SLC12A8: variants seen among roughly 807,000 people sequenced by gnomAD.
SLC12A8 encodes the protein solute carrier family 12 member 8, also known as cation-chloride cotransporter 9.
Under a neutral mutation model 75.6 loss-of-function variants are expected in SLC12A8, and 69 were observed. The ratio of observed to expected loss-of-function variants is 0.91; its 90% CI spans 0.75 to 1.11. The LOEUF (loss-of-function observed/expected upper bound fraction) is 1.11. Among genes scored for constraint, SLC12A8 ranks in the 50% most tolerant of loss-of-function variants. The pLI, the probability that SLC12A8 is intolerant of heterozygous loss-of-function variation, is 0.00. For synonymous variants in SLC12A8, 365 were observed against 372.8 expected (o/e 0.98, Z 0.24); for missense variants, 877 against 896.7 (o/e 0.98, Z 0.28).
intron 2 of SLC12A8, among the ~76,000 whole-genome samples, chr3:125,210,936 T>G (rs1935325772): frequency 6.6e-6 from 1 of 150,596 alleles, no homozygotes; most frequent in South Asian, 2.1e-4. Context: ...AACATAAGAG[T>G]TTTTTCAGAA....
intron 3 of SLC12A8, among the ~76,000 whole-genome samples, chr3:125,189,854 A>AG (rs1934873086): frequency 6.6e-6 from 1 of 152,110 alleles, no homozygotes; most frequent in Admixed American, 6.5e-5. Context: ...TTCCTTCTAC[A>AG]GGGGGAGATG....
intron 5 of SLC12A8, among the ~76,000 whole-genome samples, chr3:125,140,703 T>C: frequency 6.6e-6 from 1 of 152,140 alleles, no homozygotes. Context: ...TTTCCTTTTT[T>C]TTTTTCTTTT....
intron 5 of SLC12A8, among the ~76,000 whole-genome samples, chr3:125,150,153 C>A (rs780698956): frequency 3.9e-5 from 6 of 152,066 alleles, no homozygotes; most frequent in Admixed American, 6.5e-5. Context: ...ATTGGGAGAC[C>A]CATAATGGCC....
At chr3:125,126,511 C>T (rs1933212760) in intron 6 of SLC12A8, among the ~76,000 whole-genome samples, 1 of 152,290 alleles carries the variant, frequency 6.6e-6, no homozygotes, top group South Asian at 2.1e-4. Flanking sequence ...CTTCCCTGCC[C>T]CCTGAATCAC....
intron 12 of SLC12A8, among the ~76,000 whole-genome samples, chr3:125,090,533 G>A (rs568184125): frequency 1.5e-4 from 23 of 152,192 alleles, no homozygotes; most frequent in African/African-American, 5.1e-4. Context: ...TCTGACTATG[G>A]TTGTGAACTT....
chr3:125,120,083 G>A (rs12490367), intron 7 of SLC12A8, among the ~76,000 whole-genome samples: 1 of 152,042 alleles, frequency 6.6e-6, no homozygotes, highest in Non-Finnish European at 1.5e-5. Flanking sequence ...TTCTCTCCCC[G>A]CCGCAATCTA....
At chr3:125,096,736 G>T (rs1378748622) in intron 10 of SLC12A8, among the ~76,000 whole-genome samples, 4 of 152,184 alleles carry the variant, frequency 2.6e-5, no homozygotes, top group Non-Finnish European at 5.9e-5. Context: ...CTGCAAGATT[G>T]ATCTGAATGG....
chr3:125,165,166 G>A (rs545878679), intron 5 of SLC12A8, among the ~76,000 whole-genome samples: 1 of 152,294 alleles, frequency 6.6e-6, no homozygotes, highest in East Asian at 1.9e-4. Context: ...AGTGCGGAAG[G>A]CCATGCTGTG....
intron 5 of SLC12A8, among the ~76,000 whole-genome samples, chr3:125,140,265 A>C (rs528448315): frequency 6.6e-6 from 1 of 152,340 alleles, no homozygotes; most frequent in Admixed American, 6.5e-5. Context: ...ACAAGACCTT[A>C]CAATGTCATA....
At chr3:125,117,701 A>G (rs898090841) in intron 8 of SLC12A8, among the ~76,000 whole-genome samples, 1 of 152,222 alleles carries the variant, frequency 6.6e-6, no homozygotes, top group African/African-American at 2.4e-5. Context: ...TTCTCTGAAA[A>G]ATGATGGGAA....
intron 5 of SLC12A8, among the ~76,000 whole-genome samples, chr3:125,158,945 G>C (rs1481878101): frequency 6.6e-6 from 1 of 152,004 alleles, no homozygotes. Context: ...TGTTTACAAA[G>C]CACTATTCAG....
chr3:125,166,339 C>T (rs1934289399), intron 5 of SLC12A8, among the ~76,000 whole-genome samples: 2 of 152,184 alleles, frequency 1.3e-5, no homozygotes, highest in African/African-American at 2.4e-5. Context: ...CTCTTTTCCA[C>T]CCTAGAGGCC....
At chr3:125,204,682 C>T (rs595907) in intron 2 of SLC12A8, among the ~76,000 whole-genome samples, 130,714 of 152,094 alleles carry the variant, frequency 0.86, 56,377 homozygotes, top group South Asian at 0.94. Context: ...TAACTATAGT[C>T]AACAATAACT....
At chr3:125,123,412 A>T (rs1933111965) in intron 6 of SLC12A8, 1 of 151,680 alleles carries the variant, frequency 6.6e-6, no homozygotes, top group Non-Finnish European at 1.5e-5. Context: ...TTCAGGCCAC[A>T]AGTTTGAGAC....
chr3:125,086,984 A>G (rs1047860222), intron 13 of SLC12A8, among the ~76,000 whole-genome samples: 5 of 152,178 alleles, frequency 3.3e-5, no homozygotes, highest in Non-Finnish European at 7.3e-5. Flanking sequence ...AGAGTGTTTA[A>G]TGGGCATGGT....
At position 125,187,325 on chromosome 3, in the gene SLC12A8, A is replaced by G; in HGVS notation, c.302T>C (p.Ile101Thr). Residue 101 changes from isoleucine to threonine, a missense_variant, in exon 4 of 14, where the codon ATC (isoleucine) becomes ACC (threonine). By Grantham distance (89) the Ile-to-Thr change is moderately conservative. Coordinates refer to ENST00000469902, the MANE Select transcript of SLC12A8 (RefSeq NM_024628.6). ...CATGGAGTAGACGCCACCGCTGCCG[A>G]TGCTGCTGCGCTCCCCGACGCCAAT... ...SGIGVGERSS[I>T]GSGGVYSMIS... is the part of the protein sequence containing the mutation. 6.2e-7 allele frequency: 1 copy of G among 1,614,150 alleles called. No homozygotes were observed. Among genetic ancestry groups the G allele is most frequent in the Non-Finnish European group, 8.5e-7 (1 of 1,180,024 alleles).
chr3:125,147,480 G>A (rs908129646), intron 5 of SLC12A8, among the ~76,000 whole-genome samples: 23 of 152,150 alleles, frequency 1.5e-4, no homozygotes, highest in Admixed American at 8.5e-4. Context: ...TTCTGCAGGC[G>A]CTTATGGAGA....
chr3:125,111,673 C>T (rs1424238537), intron 8 of SLC12A8, among the ~76,000 whole-genome samples: 2 of 152,276 alleles, frequency 1.3e-5, no homozygotes, highest in South Asian at 2.1e-4. Flanking sequence ...AGCAAAGCAC[C>T]GGATTCGTGT....
intron 6 of SLC12A8, among the ~76,000 whole-genome samples, chr3:125,130,315 T>C (rs1933320531): frequency 6.6e-6 from 1 of 152,074 alleles, no homozygotes; most frequent in South Asian, 2.1e-4. Context: ...CCAGGCATGG[T>C]GGCTCATGCC....
Sources: allele counts gnomAD v4.1 joint callset (sites outside exome capture counted in the v4.1 genomes callset), GRCh38; gene constraint gnomAD v4.1.1; transcripts MANE v1.5; gene names NCBI Gene and HGNC (gene_info 2026-07-23, HGNC 2026-07-21).